HIF1A: variants seen among roughly 807,000 people sequenced by gnomAD.
The protein encoded by HIF1A is hypoxia-inducible factor 1-alpha.
A neutral mutation model predicts 92.7 loss-of-function variants in HIF1A; 24 were observed. That is an observed-to-expected ratio of 0.26 (90% CI 0.19 to 0.36). The LOEUF is 0.36. Ranked by LOEUF, HIF1A falls within the 10% of genes least tolerant of loss-of-function variation. The pLI is 1.00. For synonymous variants in HIF1A, 319 were observed against 338.7 expected, an observed-to-expected ratio of 0.94 and a Z score of 0.64; for missense variants, 799 against 998.5, an observed-to-expected ratio of 0.80 and a Z score of 2.69.
At position 61,727,615 on chromosome 14, in the gene HIF1A, C is replaced by A; in HGVS notation, c.733C>A (p.Arg245=). ...TTTAGATAGCAAGACTTTCCTCAGT[C>A]GACACAGCCTGGATATGAAATTTTC... is the stretch of plus-strand genomic sequence containing the variant. The part of the protein sequence containing the change: ...IPLDSKTFLS[R]HSLDMKFSYC... Residue 245 remains arginine (R), a synonymous_variant, in exon 6 of 15, where the codon CGA becomes AGA. Coordinates refer to ENST00000337138, the MANE Select transcript of HIF1A (RefSeq NM_001530.4). The A allele has an allele frequency of 6.2e-7, 1 of 1,613,392 alleles. No individual in the cohort carries two copies. Among genetic ancestry groups the A allele is most frequent in the South Asian group, 1.1e-5 (1 of 91,020 alleles).
At chr14:61,708,485 G>A (rs1025027129) in intron 1 of HIF1A, among the ~76,000 whole-genome samples, 36 of 152,184 alleles carry the variant, frequency 2.4e-4, no homozygotes, top group African/African-American at 8.4e-4. Flanking sequence ...TTAGCATAAG[G>A]TGTAAGGAAG....
chr14:61,741,612 G>A (rs1423450583), intron 12 of HIF1A, among the ~76,000 whole-genome samples: 5 of 151,730 alleles, frequency 3.3e-5, no homozygotes, highest in Non-Finnish European at 5.9e-5. Flanking sequence ...CAGGTGATCC[G>A]CCTGCCTCAG....
intron 7 of HIF1A, 77 bp downstream of exon 7, chr14:61,732,601 T>A: frequency 1.2e-6 from 1 of 847,402 alleles, no homozygotes; most frequent in Non-Finnish European, 1.9e-6. Flanking sequence ...GCTACCCATC[T>A]AATTCTCTGG....
At chr14:61,726,989 T>C (rs1028093592) in intron 5 of HIF1A, among the ~76,000 whole-genome samples, 171 bp downstream of exon 5, 3 of 152,248 alleles carry the variant, frequency 2.0e-5, no homozygotes, top group African/African-American at 7.2e-5. Flanking sequence ...CAGAACCGTG[T>C]AGTAATTTGC....
At chr14:61,721,421 G>A (rs891211097) in intron 2 of HIF1A, 88 bp from the exon 3 acceptor site, 22 of 1,116,974 alleles carry the variant, frequency 2.0e-5, no homozygotes, top group African/African-American at 1.1e-4. Context: ...AAGTGTCTGC[G>A]AGAAAACTTT....
rs187111747 is a variant in HIF1A, at chr14:61,697,863, T to C, written c.35+2024T>C. ...TTTTTCATTTTAAATGAGCTCCCAA[T>C]GTCGGAGTTTGGAAAACAAATTTGT... On this transcript the variant is annotated intron_variant, in intron 1 of 14. Transcript: ENST00000337138. 354 of 1,518,564 alleles carry C rather than the reference T, an allele frequency of 2.3e-4. 2 individuals carry two copies. In the East Asian group the frequency reaches 4.6e-3, roughly 20 times the overall value. 94.1% of individuals were successfully genotyped at this position (1,518,564 alleles called of 1,614,324 possible).
At chr14:61,722,905 A>G (rs1444436082) in intron 4 of HIF1A, among the ~76,000 whole-genome samples, 4 of 152,240 alleles carry the variant, frequency 2.6e-5, no homozygotes, top group Non-Finnish European at 4.4e-5. Flanking sequence ...CTTGTTAAAC[A>G]GTGTATACTG....
chr14:61,740,582 A>C lies in HIF1A; in HGVS notation c.1614A>C (p.Lys538Asn). The C allele has an allele frequency of 6.2e-7, 1 of 1,610,338 alleles. No individual in the cohort carries two copies. Among genetic ancestry groups the C allele is most frequent in the Non-Finnish European group, 8.5e-7 (1 of 1,177,876 alleles). Residue 538 changes from lysine to asparagine, a missense_variant, in exon 11 of 15, where the codon AAA becomes AAC. Physicochemically the swap from Lys to Asn is moderately conservative, Grantham distance 94. Coordinates refer to ENST00000337138, the MANE Select transcript of HIF1A (RefSeq NM_001530.4). The part of the protein sequence containing the change: ...VNEFKLELVE[K>N]LFAEDTEAKN... ...AATTCAAGTTGGAATTGGTAGAAAA[A>C]CTTTTTGCTGAAGACACAGAAGCAA... is the stretch of plus-strand genomic sequence containing the variant.
intron 1 of HIF1A, among the ~76,000 whole-genome samples, chr14:61,700,759 A>C (rs181309142): frequency 6.0e-4 from 92 of 152,322 alleles, no homozygotes; most frequent in African/African-American, 2.2e-3. Context: ...ACAGTGCACA[A>C]GGGTTCCTAT....
chr14:61,742,563 A>G (rs2044724947), intron 12 of HIF1A, among the ~76,000 whole-genome samples: 1 of 152,154 alleles, frequency 6.6e-6, no homozygotes, highest in South Asian at 2.1e-4. Context: ...TACTTAGCTC[A>G]TGACCTAATG....
At position 61,745,550 on chromosome 14, in the gene HIF1A, TAAG is replaced by T. The variant is rs763144823; in HGVS notation, c.2203-138_2203-136del. 2.2e-4 allele frequency: 161 copies of T among 717,202 alleles called. 1 individual carries two copies. In the African/African-American group the frequency reaches 2.5e-3, roughly 11 times the overall value. The allele number at this position is 717,202 out of a possible 1,614,324, so 44.4% of individuals were successfully genotyped here. ...TGGTCATAATGGATGACAAATAACT[TAAG>T]AAAGAATTCAAAATAATTTAGGGTA... On this transcript the variant is annotated intron_variant, in intron 13 of 14. Transcript: ENST00000337138.
intron 12 of HIF1A, among the ~76,000 whole-genome samples, 190 bp from the exon 13 acceptor site, chr14:61,744,515 C>CA (rs35092820): frequency 0.69 from 90,866 of 130,876 alleles, 35,484 homozygotes; most frequent in Non-Finnish European, 0.87. Context: ...CGTGTTTCAC[C>CA]AAAAAAAAAA....
intron 1 of HIF1A, among the ~76,000 whole-genome samples, chr14:61,701,315 T>C (rs1406914902): frequency 1.3e-5 from 2 of 152,304 alleles, no homozygotes; most frequent in Non-Finnish European, 2.9e-5. Flanking sequence ...AATGGGAAAA[T>C]GTAGTGATGG....
intron 8 of HIF1A, among the ~76,000 whole-genome samples, chr14:61,734,496 A>G (rs1397257456): frequency 6.6e-6 from 1 of 152,192 alleles, no homozygotes; most frequent in African/African-American, 2.4e-5. Context: ...GTAGTTGTCT[A>G]TCCCCATACC....
intron 1 of HIF1A, chr14:61,697,953 G>C: frequency 6.7e-7 from 1 of 1,498,294 alleles, no homozygotes; most frequent in Non-Finnish European, 8.9e-7. Flanking sequence ...AATAGAAAAT[G>C]GGTATGGTTA....
intron 1 of HIF1A, among the ~76,000 whole-genome samples, chr14:61,719,850 CGTCA>C (rs983850508): frequency 4.6e-5 from 7 of 152,102 alleles, no homozygotes; most frequent in Non-Finnish European, 7.3e-5. Flanking sequence ...TATAGCTTAT[CGTCA>C]GTGTTATTCA....
At chr14:61,743,518 A>T (rs373698598) in intron 12 of HIF1A, among the ~76,000 whole-genome samples, 1 of 152,262 alleles carries the variant, frequency 6.6e-6, no homozygotes, top group South Asian at 2.1e-4. Flanking sequence ...ACTGAGTTAC[A>T]TTTCATAAAG....
intron 6 of HIF1A, 143 bp from the exon 7 acceptor site, chr14:61,732,275 T>G: frequency 1.6e-6 from 1 of 606,154 alleles, no homozygotes; most frequent in South Asian, 2.0e-5. Flanking sequence ...GGTGTAAATT[T>G]ATTCTAAGCA....
chr14:61,713,382 T>G (rs970104443), intron 1 of HIF1A, among the ~76,000 whole-genome samples: 6 of 152,138 alleles, frequency 3.9e-5, no homozygotes, highest in Non-Finnish European at 7.4e-5. Flanking sequence ...TTGGAAGTTT[T>G]TAAAAACTCA....
Sources: gnomAD v4.1 joint callset for allele counts (sites outside exome capture counted in the v4.1 genomes callset) on GRCh38, gnomAD v4.1.1 for gene constraint, MANE v1.5 for transcripts, NCBI Gene and HGNC (gene_info 2026-07-23, HGNC 2026-07-21) for gene names.